CSMD1: variants seen among roughly 807,000 people sequenced by gnomAD.
CSMD1 encodes the protein CUB and Sushi multiple domains 1.
Under a neutral mutation model 417.5 loss-of-function variants are expected in CSMD1, and 213 were observed. That is an observed-to-expected ratio of 0.51 (90% CI 0.46 to 0.57). CSMD1 has a LOEUF of 0.57. Ranked by LOEUF, CSMD1 falls within the 20% of genes least tolerant of loss-of-function variation. CSMD1 has a pLI of 0.00. For missense variants in CSMD1, 6,923 were observed against 4,529.7 expected, an observed-to-expected ratio of 1.53 and a Z score of -15.17; for synonymous variants, 2,862 against 1,736.8, an observed-to-expected ratio of 1.65 and a Z score of -16.11.
intron 5 of CSMD1, among the ~76,000 whole-genome samples, chr8:3,906,151 G>A (rs1404660695): frequency 6.6e-6 from 1 of 152,158 alleles, no homozygotes; most frequent in Non-Finnish European, 1.5e-5. Context: ...TACCAGGTAA[G>A]CATCATACTA....
intron 1 of CSMD1, among the ~76,000 whole-genome samples, chr8:4,816,766 G>C (rs1159397557): frequency 6.6e-6 from 1 of 152,162 alleles, no homozygotes; most frequent in Non-Finnish European, 1.5e-5. Context: ...ATCTAGGACT[G>C]AGGATGGGGA....
At chr8:3,778,063 T>C (rs1798988669) in intron 5 of CSMD1, among the ~76,000 whole-genome samples, 1 of 152,206 alleles carries the variant, frequency 6.6e-6, no homozygotes, top group African/African-American at 2.4e-5. Context: ...TCCACGTCCC[T>C]CCAGGGGAAA....
At chr8:3,429,942 A>G (rs534412084) in intron 12 of CSMD1, among the ~76,000 whole-genome samples, 21 of 152,274 alleles carry the variant, frequency 1.4e-4, no homozygotes, top group African/African-American at 4.8e-4. Flanking sequence ...ATATTTGTCA[A>G]TCTCGATATG....
chr8:3,392,057 G>C (rs977828749), intron 17 of CSMD1, among the ~76,000 whole-genome samples: 3 of 143,380 alleles, frequency 2.1e-5, no homozygotes, highest in Admixed American at 1.4e-4. Flanking sequence ...ATTGAACAAT[G>C]AGAACAAATG....
At chr8:4,669,361 T>C (rs1383331966) in intron 1 of CSMD1, among the ~76,000 whole-genome samples, 1 of 152,242 alleles carries the variant, frequency 6.6e-6, no homozygotes, top group Non-Finnish European at 1.5e-5. Flanking sequence ...CCAATCCGTA[T>C]TTCTCGATGA....
At chr8:3,103,933 G>C (rs1441168611) in intron 46 of CSMD1, among the ~76,000 whole-genome samples, 2 of 151,722 alleles carry the variant, frequency 1.3e-5, no homozygotes, top group African/African-American at 2.4e-5. Context: ...AGTAGACACG[G>C]GGTTTCTTCA....
At chr8:3,860,269 C>A (rs1392720527) in intron 5 of CSMD1, among the ~76,000 whole-genome samples, 1 of 152,118 alleles carries the variant, frequency 6.6e-6, no homozygotes, top group Admixed American at 6.6e-5. Flanking sequence ...TGTGAAGTTA[C>A]TGAGAACTCT....
rs774318406 is a variant in CSMD1, at chr8:3,201,607, C to T, written c.5098+5G>A. The T allele has an allele frequency of 7.0e-6, 11 of 1,571,072 alleles. No homozygotes were observed. The highest frequency in any genetic ancestry group is 1.3e-5 in the African/African-American group (1 of 74,130). On this transcript the variant is annotated splice_donor_5th_base_variant and intron_variant, in intron 32 of 69. Transcript: ENST00000635120. Reference sequence around the variant, plus strand: ...AAATTAAGGGCAAAATTCTTTAAGACTTACCTGAGTGAGACCCCGAGAGTG... The same window carrying T: ...AAATTAAGGGCAAAATTCTTTAAGATTTACCTGAGTGAGACCCCGAGAGTG...
chr8:4,026,676 T>G (rs573246724), intron 4 of CSMD1, among the ~76,000 whole-genome samples: 1 of 152,318 alleles, frequency 6.6e-6, no homozygotes, highest in East Asian at 1.9e-4. Context: ...TGTCAAAATA[T>G]AAAATAGCAA....
At chr8:3,945,093 T>C (rs1811130881) in intron 5 of CSMD1, among the ~76,000 whole-genome samples, 1 of 150,744 alleles carries the variant, frequency 6.6e-6, no homozygotes, top group Non-Finnish European at 1.5e-5. Flanking sequence ...GTGAACAGGC[T>C]GACCCCAGAT....
At chr8:4,157,562 C>A (rs149772306) in intron 3 of CSMD1, among the ~76,000 whole-genome samples, 2 of 152,136 alleles carry the variant, frequency 1.3e-5, no homozygotes, top group African/African-American at 2.4e-5. Context: ...TGTTGTCATT[C>A]CCCCGTATTG....
At chr8:3,892,240 T>C (rs897225829) in intron 5 of CSMD1, among the ~76,000 whole-genome samples, 4 of 152,200 alleles carry the variant, frequency 2.6e-5, no homozygotes, top group African/African-American at 9.6e-5. Flanking sequence ...GTCAAGCATT[T>C]ACTCAGATAC....
chr8:3,446,647 C>G (rs922436432), intron 12 of CSMD1, among the ~76,000 whole-genome samples: 3 of 152,082 alleles, frequency 2.0e-5, no homozygotes, highest in African/African-American at 7.2e-5. Context: ...TTTGGGGAAT[C>G]TAGTTAGGAA....
chr8:3,277,212 T>C (rs1269370221), intron 26 of CSMD1, among the ~76,000 whole-genome samples: 1 of 151,884 alleles, frequency 6.6e-6, no homozygotes, highest in African/African-American at 2.4e-5. Context: ...TTTCAGAGGG[T>C]TTTGTGGCCT....
At chr8:3,872,412 T>A (rs969692592) in intron 5 of CSMD1, among the ~76,000 whole-genome samples, 2 of 152,148 alleles carry the variant, frequency 1.3e-5, no homozygotes, top group African/African-American at 2.4e-5. Context: ...ACTACCTTCC[T>A]GAAGTGTCCA....
intron 5 of CSMD1, among the ~76,000 whole-genome samples, chr8:3,756,738 CAT>C (rs1444379128): frequency 6.6e-6 from 1 of 152,096 alleles, no homozygotes; most frequent in Non-Finnish European, 1.5e-5. Flanking sequence ...CTGCTTTGAA[CAT>C]ATATATTTTC....
intron 1 of CSMD1, among the ~76,000 whole-genome samples, chr8:4,701,239 T>C (rs780156384): frequency 2.0e-5 from 3 of 151,844 alleles, no homozygotes; most frequent in Non-Finnish European, 2.9e-5. Flanking sequence ...TCATCACTTC[T>C]CAGGTCTGCT....
intron 3 of CSMD1, among the ~76,000 whole-genome samples, chr8:4,137,320 C>A (rs998442782): frequency 1.3e-5 from 2 of 152,148 alleles, no homozygotes; most frequent in African/African-American, 4.8e-5. Flanking sequence ...GGCACTCAGG[C>A]TAACCTTGCA....
chr8:3,182,807 G>A (rs1331223445), intron 36 of CSMD1, among the ~76,000 whole-genome samples: 1 of 85,190 alleles, frequency 1.2e-5, no homozygotes, highest in Non-Finnish European at 2.4e-5. Flanking sequence ...AGCCAGGATG[G>A]TCTCGGGGGA....
Sources: allele counts gnomAD v4.1 joint callset (sites outside exome capture counted in the v4.1 genomes callset), GRCh38; gene constraint gnomAD v4.1.1; transcripts MANE v1.5; gene names NCBI Gene and HGNC (gene_info 2026-07-23, HGNC 2026-07-21).